The following CFAP45 variants were observed in gnomAD, a reference collection of about 807,000 sequenced individuals.
CFAP45 encodes cilia and flagella associated protein 45.
A neutral mutation model predicts 75.6 loss-of-function variants in CFAP45; 43 were observed. That is an observed-to-expected ratio of 0.57 (90% CI 0.45 to 0.73). The LOEUF (loss-of-function observed/expected upper bound fraction) is 0.73, where lower values mean the gene tolerates loss of function less well. Among genes scored for constraint, CFAP45 ranks in the 30% least tolerant of loss-of-function variants. The probability of loss-of-function intolerance (pLI) is 0.00; values close to 1 mark genes in which losing one functional copy is unlikely to be tolerated. For synonymous variants in CFAP45, 223 were observed against 244.6 expected, an observed-to-expected ratio of 0.91 and a Z score of 0.82; for missense variants, 689 against 701.5, an observed-to-expected ratio of 0.98 and a Z score of 0.20.
Position 159,884,521 on chromosome 1 carries a change from T to C in CFAP45, c.812A>G (p.Glu271Gly). 5.6e-6 allele frequency: 9 copies of C among 1,613,842 alleles called. No individual in the cohort carries two copies. Among genetic ancestry groups the C allele is most frequent in the East Asian group, 2.2e-5 (1 of 44,876 alleles). Residue 271 changes from glutamate to glycine, a missense_variant, in exon 7 of 12, where the codon GAG (glutamate) becomes GGG (glycine). Coordinates refer to ENST00000368099, the MANE Select transcript of CFAP45 (RefSeq NM_012337.3). Reference protein sequence around the residue: ...IVEQMEKNQEERSLLAEQREQ... With the variant: ...IVEQMEKNQEGRSLLAEQREQ... ...CCGCTGCTCAGCAAGCAGCGATCGCTCCTCCTGGTTCTTTTCCATCTGTTC... is the reference window on the plus strand; with the variant it reads ...CCGCTGCTCAGCAAGCAGCGATCGCCCCTCCTGGTTCTTTTCCATCTGTTC...
chr1:159,892,575 C>G (rs993768136), intron 2 of CFAP45, among the ~76,000 whole-genome samples: 2 of 152,172 alleles, frequency 1.3e-5, no homozygotes, highest in African/African-American at 4.8e-5. Flanking sequence ...ATGTCATATT[C>G]TCTTTTTCTC....
intron 1 of CFAP45, among the ~76,000 whole-genome samples, chr1:159,895,562 C>T (rs1163185668): frequency 6.6e-6 from 1 of 152,256 alleles, no homozygotes; most frequent in African/African-American, 2.4e-5. Flanking sequence ...ATTTCCCTCA[C>T]TGCCCGGCAC....
intron 1 of CFAP45, chr1:159,899,888 A>T: frequency 1.7e-6 from 1 of 579,028 alleles, no homozygotes. Context: ...AGCGCGCTCC[A>T]CATTTCCAAT....
At chr1:159,896,855 T>C (rs1032377237) in intron 1 of CFAP45, among the ~76,000 whole-genome samples, 1 of 152,224 alleles carries the variant, frequency 6.6e-6, no homozygotes, top group African/African-American at 2.4e-5. Flanking sequence ...AGGAGCTCTA[T>C]GAGAGACTCT....
At chr1:159,887,790 C>G in intron 5 of CFAP45, 51 bp downstream of exon 5, 1 of 1,481,774 alleles carries the variant, frequency 6.7e-7, no homozygotes, top group Admixed American at 1.8e-5. Context: ...AAGGGGAGGG[C>G]GGAGGGATGG....
At chr1:159,890,910 C>G (rs1649815483) in intron 2 of CFAP45, among the ~76,000 whole-genome samples, 1 of 152,100 alleles carries the variant, frequency 6.6e-6, no homozygotes, top group South Asian at 2.1e-4. Flanking sequence ...AGGCGACCAC[C>G]ACCATGCCTG....
At chr1:159,890,386 G>T in intron 3 of CFAP45, 94 bp downstream of exon 3, 1 of 1,209,964 alleles carries the variant, frequency 8.3e-7, no homozygotes, top group Non-Finnish European at 1.2e-6. Context: ...TGGACTGACA[G>T]AATGAAACCA....
intron 5 of CFAP45, 151 bp from the exon 6 acceptor site, chr1:159,886,840 C>T: frequency 1.5e-6 from 1 of 676,380 alleles, no homozygotes; most frequent in Non-Finnish European, 2.6e-6. Flanking sequence ...CTTATATTTA[C>T]CTTTCCCCTT....
chr1:159,893,434 G>T, intron 1 of CFAP45, 129 bp from the exon 2 acceptor site: 1 of 872,790 alleles, frequency 1.1e-6, no homozygotes, highest in Non-Finnish European at 1.8e-6. Flanking sequence ...TAGGGAAAGC[G>T]GCTGTGTAAA....
Position 159,888,360 on chromosome 1 carries a change from C to G in CFAP45, c.409G>C (p.Ala137Pro). 6.2e-7 allele frequency: 1 copy of G among 1,614,126 alleles called. No homozygotes were observed. The highest frequency in any genetic ancestry group is 8.5e-7 in the Non-Finnish European group (1 of 1,180,000). ...RDQAFKKEKE[A>P]TMDAVMTRKK... ...TTAGGGAGGTTAACTACCATGGTGG[C>G]TTCCTTCTCCTTCTTGAAGGCCTGG... The change falls in exon 4 of 12, where the codon GCC becomes CCC. Residue 137 changes from alanine (A) to proline (P), a missense_variant. By Grantham distance (27) the Ala-to-Pro change is conservative (BLOSUM62 -1). Transcript: ENST00000368099.
chr1:159,890,544 A>G lies in CFAP45; in HGVS notation c.208T>C (p.Leu70=), dbSNP rs149543707. 5.5e-5 allele frequency: 89 copies of G among 1,613,976 alleles called. No homozygotes were observed. Among genetic ancestry groups the G allele is most frequent in the Non-Finnish European group, 7.0e-5 (83 of 1,180,004 alleles). Residue 70 remains leucine, a synonymous_variant, in exon 3 of 12, where the codon TTG becomes CTG. Coordinates refer to ENST00000368099, the MANE Select transcript of CFAP45 (RefSeq NM_012337.3). ...GTCTCTGGCTTGCGATCCAAGCCCAAAGCAGTGAGAGTTTTTTGAAGGGTA... is the reference window on the plus strand; with the variant it reads ...GTCTCTGGCTTGCGATCCAAGCCCAGAGCAGTGAGAGTTTTTTGAAGGGTA... ...KHTLQKTLTA[L]GLDRKPETIQ...
chr1:159,879,912 C>A (rs930022682), intron 8 of CFAP45, among the ~76,000 whole-genome samples: 2 of 152,184 alleles, frequency 1.3e-5, no homozygotes, highest in Non-Finnish European at 2.9e-5. Flanking sequence ...TTACATAAAT[C>A]CATGTTCACT....
intron 4 of CFAP45, 125 bp from the exon 5 acceptor site, chr1:159,888,136 G>C (rs188816002): frequency 3.4e-6 from 4 of 1,171,894 alleles, no homozygotes; most frequent in Non-Finnish European, 4.8e-6. Flanking sequence ...TCAGAGCCAA[G>C]AAGTTCCACA....
Position 159,881,001 on chromosome 1 carries a change from GC to G in CFAP45, c.898-302del, listed in dbSNP as rs1227507078. On this transcript the variant is annotated intron_variant, in intron 7 of 11. Coordinates refer to ENST00000368099, the MANE Select transcript of CFAP45 (RefSeq NM_012337.3). Reference sequence around the variant, plus strand: ...CATACAATTGCCTCTCACATGTTTTGCTAAATCCTACCCCTGTGGCTTTGCT... The same window carrying G: ...CATACAATTGCCTCTCACATGTTTTGTAAATCCTACCCCTGTGGCTTTGCT... Among the ~76,000 whole-genome samples, 4 of 152,256 alleles carry G rather than the reference GC, an allele frequency of 2.6e-5. No individual in the cohort carries two copies. In the East Asian group the frequency reaches 5.8e-4, roughly 22 times the overall value.
At chr1:159,893,149 C>T (rs1649867511) in intron 2 of CFAP45, 31 bp downstream of exon 2, 10 of 1,611,674 alleles carry the variant, frequency 6.2e-6, no homozygotes, top group South Asian at 1.1e-5. Context: ...CTGCAGGTGG[C>T]ATCAACTTGA....
At chr1:159,878,515 G>A (rs1649461180) in intron 8 of CFAP45, among the ~76,000 whole-genome samples, 1 of 151,966 alleles carries the variant, frequency 6.6e-6, no homozygotes, top group African/African-American at 2.4e-5. Context: ...AGCACTTTGG[G>A]AGGCTGAGGC....
rs1649427102 is a variant in CFAP45, at chr1:159,877,369, G to C, written c.1138C>G (p.Gln380Glu). The C allele has an allele frequency of 6.2e-7, 1 of 1,612,560 alleles. No individual in the cohort carries two copies. Among genetic ancestry groups the C allele is most frequent in the Non-Finnish European group, 8.5e-7 (1 of 1,178,570 alleles). ...ARLRAMQEKA[Q>E]DYQAEQDALR... is the part of the protein sequence containing the mutation. Reference sequence around the variant, plus strand: ...GGTACCTGTTCTGCCTGGTAATCCTGGGCCTTCTCCTGCATGGCCCTCAAG... The same window carrying C: ...GGTACCTGTTCTGCCTGGTAATCCTCGGCCTTCTCCTGCATGGCCCTCAAG... The change falls in exon 9 of 12, where the codon CAG (glutamine) becomes GAG (glutamate). Residue 380 changes from glutamine to glutamate, a missense_variant. By Grantham distance (29) the Gln-to-Glu change is conservative. Coordinates refer to ENST00000368099, the MANE Select transcript of CFAP45 (RefSeq NM_012337.3).
At chr1:159,877,312 T>C (rs1571179325) in intron 9 of CFAP45, 37 bp downstream of exon 9, 1 of 1,396,116 alleles carries the variant, frequency 7.2e-7, no homozygotes, top group African/African-American at 1.4e-5. Context: ...GGCAAGGGAG[T>C]GGGAAAAGTA....
At chr1:159,893,630 G>T (rs1488423730) in intron 1 of CFAP45, among the ~76,000 whole-genome samples, 1 of 152,100 alleles carries the variant, frequency 6.6e-6, no homozygotes, top group African/African-American at 2.4e-5. Context: ...CATGGGGAGA[G>T]GTTGGTCAGT....
Sources: gnomAD v4.1 joint callset for allele counts (sites outside exome capture counted in the v4.1 genomes callset) on GRCh38, gnomAD v4.1.1 for gene constraint, MANE v1.5 for transcripts, NCBI Gene and HGNC (gene_info 2026-07-23, HGNC 2026-07-21) for gene names.